Variants in LRRC4C observed in about 807,000 individuals in gnomAD.
LRRC4C encodes leucine-rich repeat-containing protein 4C.
LRRC4C carries 5 observed loss-of-function variants against 33.6 expected under a neutral mutation model. The observed-to-expected ratio is 0.15, with a 90% CI of 0.08 to 0.31. The LOEUF (loss-of-function observed/expected upper bound fraction) is 0.31, where lower values mean the gene tolerates loss of function less well. Among genes scored for constraint, LRRC4C ranks in the 10% least tolerant of loss-of-function variants. The pLI, the probability that LRRC4C is intolerant of heterozygous loss-of-function variation, is 1.00. For missense variants in LRRC4C, 560 were observed against 796.7 expected (o/e 0.70, Z 3.58); for synonymous variants, 329 against 302.0 (o/e 1.09, Z -0.93).
At chr11:40,550,072 T>C (rs1957075722) in intron 3 of LRRC4C, among the ~76,000 whole-genome samples, 1 of 152,130 alleles carries the variant, frequency 6.6e-6, no homozygotes, top group Admixed American at 6.6e-5. Context: ...TGTAATTTAA[T>C]AATAATGACA....
chr11:40,719,742 T>C (rs1946914626), intron 2 of LRRC4C, among the ~76,000 whole-genome samples: 1 of 152,192 alleles, frequency 6.6e-6, no homozygotes, highest in Non-Finnish European at 1.5e-5. Flanking sequence ...CATTGTCATT[T>C]GGGATCCATT....
intron 3 of LRRC4C, among the ~76,000 whole-genome samples, chr11:40,634,687 T>G (rs1259762526): frequency 6.6e-6 from 1 of 151,372 alleles, no homozygotes; most frequent in Non-Finnish European, 1.5e-5. Context: ...TTGGGAAATA[T>G]AGTGCGGCCT....
chr11:40,521,801 G>C (rs1955827357), intron 3 of LRRC4C, among the ~76,000 whole-genome samples: 2 of 151,992 alleles, frequency 1.3e-5, no homozygotes, highest in Middle Eastern at 3.4e-3. Flanking sequence ...CCTGGGAGCT[G>C]GAAATTGCAG....
Position 41,391,728 on chromosome 11 carries a change from C to T in LRRC4C, c.-496+67703G>A, listed in dbSNP as rs148472961. ...TCCTTTCCCTCAAGTTCCTATAATACCTCAGGAAATAAAAAGTAAACACAT... is the reference window on the plus strand; with the variant it reads ...TCCTTTCCCTCAAGTTCCTATAATATCTCAGGAAATAAAAAGTAAACACAT... On this transcript the variant is annotated intron_variant, in intron 1 of 6. Transcript: ENST00000528697. 1.7e-3 allele frequency among the ~76,000 whole-genome samples: 258 copies of T among 151,904 alleles called. 1 individual carries two copies. Among genetic ancestry groups the T allele is most frequent in the African/African-American group, 5.8e-3 (241 of 41,494 alleles).
intron 5 of LRRC4C, among the ~76,000 whole-genome samples, chr11:40,149,309 T>C (rs183235969): frequency 1.6e-3 from 238 of 152,330 alleles, no homozygotes; most frequent in South Asian, 4.8e-3. Context: ...TGATTCTTCC[T>C]GTTCATGAGC....
At chr11:40,585,279 C>G (rs1457314290) in intron 3 of LRRC4C, among the ~76,000 whole-genome samples, 1 of 152,084 alleles carries the variant, frequency 6.6e-6, no homozygotes, top group African/African-American at 2.4e-5. Context: ...TCTGCCCACC[C>G]TACATCACTC....
At chr11:40,393,000 G>A (rs1013598310) in intron 3 of LRRC4C, among the ~76,000 whole-genome samples, 3 of 151,896 alleles carry the variant, frequency 2.0e-5, no homozygotes, top group Non-Finnish European at 2.9e-5. Flanking sequence ...AGCCCATTAC[G>A]CACTCGCTTA....
rs144360043 is a variant in LRRC4C, at chr11:40,960,431, A to G, written c.-495-26708T>C. Among the ~76,000 whole-genome samples the G allele has an allele frequency of 6.7e-3, 1,014 of 151,882 alleles. 1 individual carries two copies. Among genetic ancestry groups the G allele is most frequent in the Middle Eastern group, 0.037 (11 of 294 alleles). ...TCCAGCTAAAGTGACATTGAACCAG[A>G]CAAGGTCTAAATTGAGTTTCTATGA... On this transcript the variant is annotated intron_variant, in intron 1 of 6. Coordinates refer to ENST00000528697, the MANE Select transcript of LRRC4C (RefSeq NM_001258419.2).
chr11:40,754,172 C>T (rs950766497), intron 2 of LRRC4C, among the ~76,000 whole-genome samples: 13 of 151,804 alleles, frequency 8.6e-5, no homozygotes, highest in Non-Finnish European at 1.6e-4. Context: ...GTATTTTTCT[C>T]TAATTTTGTT....
intron 2 of LRRC4C, among the ~76,000 whole-genome samples, chr11:40,717,573 G>A (rs907400998): frequency 6.6e-5 from 10 of 151,868 alleles, no homozygotes; most frequent in African/African-American, 2.4e-4. Context: ...TTTTGGGGGG[G>A]TACAGATTAG....
intron 1 of LRRC4C, among the ~76,000 whole-genome samples, chr11:40,963,570 C>T (rs1253619227): frequency 1.3e-5 from 2 of 151,742 alleles, no homozygotes; most frequent in African/African-American, 4.8e-5. Flanking sequence ...TAGAAGATGA[C>T]ATAAGATGCT....
rs118102834 is a variant in LRRC4C, at chr11:41,097,378, T to C, written c.-495-163655A>G. Among the ~76,000 whole-genome samples, 1,012 of 152,240 alleles carry C rather than the reference T, an allele frequency of 6.6e-3. 12 individuals are homozygous for C. The highest frequency in any genetic ancestry group is 0.011 in the Non-Finnish European group (739 of 68,010). On this transcript the variant is annotated intron_variant, in intron 1 of 6. Coordinates refer to ENST00000528697, the MANE Select transcript of LRRC4C (RefSeq NM_001258419.2). Reference sequence around the variant, plus strand: ...GCCCCAAGTACAAACTAAAGATTCCTATAGATGGATTAGATGAAAATGTTA... The same window carrying C: ...GCCCCAAGTACAAACTAAAGATTCCCATAGATGGATTAGATGAAAATGTTA...
At chr11:40,194,847 G>C (rs1862126522) in intron 5 of LRRC4C, among the ~76,000 whole-genome samples, 1 of 152,146 alleles carries the variant, frequency 6.6e-6, no homozygotes, top group African/African-American at 2.4e-5. Context: ...CCAGCACTTT[G>C]GGAGGCCGAG....
At chr11:41,072,251 GA>G (rs1938741230) in intron 1 of LRRC4C, among the ~76,000 whole-genome samples, 1 of 17,916 alleles carries the variant, frequency 5.6e-5, no homozygotes, top group South Asian at 1.7e-3. Context: ...AATCTTTCTT[GA>G]AAGAAAAAAT....
intron 2 of LRRC4C, among the ~76,000 whole-genome samples, chr11:40,735,779 C>T (rs78001362): frequency 0.17 from 24,781 of 145,770 alleles, 2,212 homozygotes; most frequent in Non-Finnish European, 0.19. Flanking sequence ...CCACCAACAG[C>T]GTAAAAGTGT....
chr11:40,644,566 T>C (rs1247560974), intron 3 of LRRC4C, among the ~76,000 whole-genome samples: 3 of 152,190 alleles, frequency 2.0e-5, no homozygotes, highest in East Asian at 3.8e-4. Context: ...TGGTATATGC[T>C]TACCAAGAAA....
chr11:40,778,821 A>G (rs1950109301), intron 2 of LRRC4C, among the ~76,000 whole-genome samples: 1 of 152,130 alleles, frequency 6.6e-6, no homozygotes, highest in Non-Finnish European at 1.5e-5. Flanking sequence ...TCTAAGAATA[A>G]AAGGATATCC....
At chr11:40,215,563 A>G (rs1362279222) in intron 5 of LRRC4C, among the ~76,000 whole-genome samples, 3 of 152,216 alleles carry the variant, frequency 2.0e-5, no homozygotes, top group Non-Finnish European at 4.4e-5. Flanking sequence ...TAGCTGCAAT[A>G]ACTGTTGTCC....
intron 3 of LRRC4C, among the ~76,000 whole-genome samples, chr11:40,463,086 AG>A (rs1481378058): frequency 6.6e-6 from 1 of 152,068 alleles, no homozygotes; most frequent in Non-Finnish European, 1.5e-5. Context: ...ACTATGGTCA[AG>A]GGGATGGGAG....
Sources: gnomAD v4.1 joint callset for allele counts (sites outside exome capture counted in the v4.1 genomes callset) on GRCh38, gnomAD v4.1.1 for gene constraint, MANE v1.5 for transcripts, NCBI Gene and HGNC (gene_info 2026-07-23, HGNC 2026-07-21) for gene names.